The following KCNT2 variants were observed in gnomAD, a reference collection of about 807,000 sequenced individuals.
The protein encoded by KCNT2 is potassium channel subfamily T member 2.
KCNT2 carries 67 observed loss-of-function variants against 153.8 expected under a neutral mutation model. The ratio of observed to expected loss-of-function variants is 0.44; its 90% CI spans 0.36 to 0.53. The LOEUF is 0.53. Ranked by LOEUF, KCNT2 falls within the 20% of genes least tolerant of loss-of-function variation. The probability of loss-of-function intolerance (pLI) is 0.00; values close to 1 mark genes in which losing one functional copy is unlikely to be tolerated. For synonymous variants in KCNT2, 500 were observed against 458.8 expected (o/e 1.09, Z -1.15); for missense variants, 975 against 1,354.8 (o/e 0.72, Z 4.40).
At chr1:196,579,409 A>G (rs141640189) in intron 1 of KCNT2, among the ~76,000 whole-genome samples, 1 of 152,152 alleles carries the variant, frequency 6.6e-6, no homozygotes, top group East Asian at 1.9e-4. Flanking sequence ...AATAATCTGT[A>G]TGGCAAACTC....
intron 12 of KCNT2, among the ~76,000 whole-genome samples, chr1:196,406,092 G>A (rs1164135857): frequency 1.3e-5 from 2 of 151,426 alleles, no homozygotes; most frequent in South Asian, 2.1e-4. Flanking sequence ...GCACCTTGAG[G>A]TCAGGGTCTA....
At chr1:196,329,662 A>G (rs1305518961) in intron 18 of KCNT2, among the ~76,000 whole-genome samples, 1 of 151,132 alleles carries the variant, frequency 6.6e-6, no homozygotes, top group Non-Finnish European at 1.5e-5. Flanking sequence ...AAAGGAGTCA[A>G]TGTGGGGGAA....
chr1:196,251,891 C>T (rs1656006193), intron 26 of KCNT2, among the ~76,000 whole-genome samples: 1 of 151,826 alleles, frequency 6.6e-6, no homozygotes, highest in African/African-American at 2.4e-5. Context: ...CTAGTATGTG[C>T]TCACAAAAAT....
chr1:196,428,339 A>G (rs1473598075), intron 9 of KCNT2, 70 bp from the exon 10 acceptor site: 15 of 1,070,628 alleles, frequency 1.4e-5, no homozygotes, highest in Non-Finnish European at 2.0e-5. Flanking sequence ...CAATACATCT[A>G]TTGTTTATTA....
At position 196,489,975 on chromosome 1, in the gene KCNT2, C is replaced by T. The variant is rs779891560; in HGVS notation, c.176-38G>A. ...GATAAAAGTTTGATTTTCATCTGAA[C>T]TTAGTTCACAAAAGACTAAAAAGAA... On this transcript the variant is annotated intron_variant, in intron 2 of 27. Transcript: ENST00000294725. 4.2e-6 allele frequency: 4 copies of T among 953,356 alleles called. No homozygotes were observed. In the East Asian group the frequency reaches 8.2e-5, roughly 20 times the overall value. 59.1% of individuals were successfully genotyped at this position (953,356 alleles called of 1,614,324 possible).
chr1:196,584,873 G>A (rs1662481841), intron 1 of KCNT2, among the ~76,000 whole-genome samples: 1 of 151,954 alleles, frequency 6.6e-6, no homozygotes, highest in Non-Finnish European at 1.5e-5. Flanking sequence ...ACTTTGCCCA[G>A]GGTTCCAAAC....
At chr1:196,290,041 T>C (rs781162065) in intron 22 of KCNT2, among the ~76,000 whole-genome samples, 1 of 151,976 alleles carries the variant, frequency 6.6e-6, no homozygotes, top group Admixed American at 6.6e-5. Flanking sequence ...CAATACCATA[T>C]GGAATGAGAT....
At chr1:196,520,769 A>T (rs1653265658) in intron 1 of KCNT2, among the ~76,000 whole-genome samples, 1 of 152,088 alleles carries the variant, frequency 6.6e-6, no homozygotes, top group South Asian at 2.1e-4. Context: ...AACTGGACAC[A>T]TTTCTTACAC....
chr1:196,255,965 T>G (rs1310827368), intron 26 of KCNT2, among the ~76,000 whole-genome samples: 3 of 151,968 alleles, frequency 2.0e-5, no homozygotes, highest in Non-Finnish European at 4.4e-5. Context: ...TCCTGCATGT[T>G]AATCACTCTG....
chr1:196,539,925 ACT>A (rs1002230048), intron 1 of KCNT2, among the ~76,000 whole-genome samples: 1 of 151,786 alleles, frequency 6.6e-6, no homozygotes, highest in Non-Finnish European at 1.5e-5. Context: ...TACTTTAACA[ACT>A]CTGTTCAAAA....
rs146920274 is a variant in KCNT2, at chr1:196,460,502, A to G, written c.638+4791T>C. 1.3e-3 allele frequency among the ~76,000 whole-genome samples: 204 copies of G among 151,938 alleles called. 1 individual carries two copies. Among genetic ancestry groups the G allele is most frequent in the African/African-American group, 4.3e-3 (178 of 41,516 alleles). On this transcript the variant is annotated intron_variant, in intron 8 of 27. Coordinates refer to ENST00000294725, the MANE Select transcript of KCNT2 (RefSeq NM_198503.5). ...ACATCTAGTATTATCCAACTACCATAAGAGATGCTGGGCATAAAATGGTAA... is the reference window on the plus strand; with the variant it reads ...ACATCTAGTATTATCCAACTACCATGAGAGATGCTGGGCATAAAATGGTAA...
At chr1:196,520,827 C>A (rs1046003339) in intron 1 of KCNT2, among the ~76,000 whole-genome samples, 1 of 152,110 alleles carries the variant, frequency 6.6e-6, no homozygotes, top group South Asian at 2.1e-4. Flanking sequence ...AAATGTAAAA[C>A]CCAAAACTAT....
intron 8 of KCNT2, among the ~76,000 whole-genome samples, chr1:196,441,207 A>C (rs933706926): frequency 3.3e-5 from 5 of 151,768 alleles, no homozygotes; most frequent in Non-Finnish European, 7.4e-5. Context: ...CTATTTAAAC[A>C]CCTATGAAAC....
rs572009926 is a variant in KCNT2, at chr1:196,484,134, G to A, written c.276-1755C>T. On this transcript the variant is annotated intron_variant, in intron 3 of 27. Coordinates refer to ENST00000294725, the MANE Select transcript of KCNT2 (RefSeq NM_198503.5). ...GGAAAAAATTATAAAATAAGTTGCT[G>A]AACAGAAGTGCGTATTTTCAAAGAA... Among the ~76,000 whole-genome samples, 7 of 152,158 alleles carry A rather than the reference G, an allele frequency of 4.6e-5. No individual in the cohort carries two copies. In the South Asian group the frequency reaches 1.5e-3, roughly 32 times the overall value.
chr1:196,495,268 T>A (rs1680165931), intron 1 of KCNT2, among the ~76,000 whole-genome samples: 1 of 152,120 alleles, frequency 6.6e-6, no homozygotes. Flanking sequence ...AGAGCTTTTT[T>A]TTTTTTAATT....
At chr1:196,271,498 A>T (rs549781933) in intron 25 of KCNT2, among the ~76,000 whole-genome samples, 3 of 152,176 alleles carry the variant, frequency 2.0e-5, no homozygotes, top group Admixed American at 2.0e-4. Context: ...TGCATTAAAT[A>T]GCCTCTTGTT....
intron 22 of KCNT2, among the ~76,000 whole-genome samples, chr1:196,293,863 A>G (rs1225340537): frequency 6.0e-5 from 9 of 150,346 alleles, no homozygotes; most frequent in African/African-American, 2.2e-4. Context: ...CACAGTCAAA[A>G]AAAAAAAAAA....
chr1:196,446,232 T>G (rs1675674176), intron 8 of KCNT2, among the ~76,000 whole-genome samples: 1 of 151,468 alleles, frequency 6.6e-6, no homozygotes, highest in African/African-American at 2.4e-5. Flanking sequence ...AAGATAGATT[T>G]CTTTAAATCC....
intron 25 of KCNT2, among the ~76,000 whole-genome samples, chr1:196,269,380 T>C (rs1022785596): frequency 3.3e-5 from 5 of 152,106 alleles, no homozygotes; most frequent in South Asian, 2.1e-4. Context: ...TGTGTGCATG[T>C]ACGTGTAAAA....
Sources: gnomAD v4.1 joint callset for allele counts (sites outside exome capture counted in the v4.1 genomes callset) on GRCh38, gnomAD v4.1.1 for gene constraint, MANE v1.5 for transcripts, NCBI Gene and HGNC (gene_info 2026-07-23, HGNC 2026-07-21) for gene names.